PAK5: variants seen among roughly 807,000 people sequenced by gnomAD.
PAK5 encodes the protein serine/threonine-protein kinase PAK 5.
A neutral mutation model predicts 65.9 loss-of-function variants in PAK5; 16 were observed. That is an observed-to-expected ratio of 0.24 (90% CI 0.16 to 0.37). PAK5 has a LOEUF of 0.37. PAK5 is among the 10% of genes least tolerant of loss of function. The pLI is 1.00. For synonymous variants in PAK5, 371 were observed against 354.9 expected (o/e 1.05, Z -0.51); for missense variants, 785 against 903.9 (o/e 0.87, Z 1.69).
At chr20:9,546,011 T>G (rs1407551906) in intron 7 of PAK5, among the ~76,000 whole-genome samples, 11 of 152,118 alleles carry the variant, frequency 7.2e-5, no homozygotes. Context: ...GTTGCATAAA[T>G]TGATGAACCT....
chr20:9,734,207 A>T (rs2048364450), intron 1 of PAK5, among the ~76,000 whole-genome samples: 1 of 152,218 alleles, frequency 6.6e-6, no homozygotes, highest in African/African-American at 2.4e-5. Context: ...CTGTATTAGG[A>T]AAGTTGAAAA....
intron 9 of PAK5, among the ~76,000 whole-genome samples, chr20:9,541,092 T>G (rs2045255150): frequency 6.6e-6 from 1 of 152,200 alleles, no homozygotes; most frequent in South Asian, 2.1e-4. Context: ...TCTCTTTTTT[T>G]GTTTATGTTT....
At chr20:9,824,275 C>T (rs1004011111) in intron 1 of PAK5, among the ~76,000 whole-genome samples, 2 of 152,090 alleles carry the variant, frequency 1.3e-5, no homozygotes, top group Non-Finnish European at 2.9e-5. Flanking sequence ...AAAGGAAGGC[C>T]GTGTGTGGTG....
chr20:9,607,851 A>C (rs898208358), intron 3 of PAK5, among the ~76,000 whole-genome samples: 14 of 152,162 alleles, frequency 9.2e-5, no homozygotes, highest in African/African-American at 3.4e-4. Context: ...AGAAAAAAGA[A>C]AAGGAGAAAA....
chr20:9,655,615 T>C (rs992660352), intron 2 of PAK5, among the ~76,000 whole-genome samples: 3 of 152,188 alleles, frequency 2.0e-5, no homozygotes, highest in Non-Finnish European at 4.4e-5. Context: ...AAAAACATCA[T>C]TCCTGTGAGA....
At chr20:9,809,976 G>A (rs960174108) in intron 1 of PAK5, among the ~76,000 whole-genome samples, 2 of 152,024 alleles carry the variant, frequency 1.3e-5, no homozygotes, top group African/African-American at 2.4e-5. Context: ...TCCTAACGCC[G>A]AAGCTCTCCC....
At chr20:9,635,140 CTTT>C (rs1170845087) in intron 3 of PAK5, among the ~76,000 whole-genome samples, 1 of 152,096 alleles carries the variant, frequency 6.6e-6, no homozygotes, top group Non-Finnish European at 1.5e-5. Flanking sequence ...ACTCTTTCTT[CTTT>C]AAGAAGGTTT....
At chr20:9,644,576 G>T (rs999143466) in intron 2 of PAK5, among the ~76,000 whole-genome samples, 1 of 152,128 alleles carries the variant, frequency 6.6e-6, no homozygotes, top group Non-Finnish European at 1.5e-5. Context: ...CATTGACTTT[G>T]ATTTGGCCAT....
intron 7 of PAK5, among the ~76,000 whole-genome samples, chr20:9,545,471 A>G (rs1210152620): frequency 6.6e-6 from 1 of 152,216 alleles, no homozygotes; most frequent in East Asian, 1.9e-4. Context: ...ATGGTTCAGA[A>G]TGACCACTTG....
chr20:9,603,634 C>G (rs2046399722), intron 3 of PAK5, among the ~76,000 whole-genome samples: 1 of 152,222 alleles, frequency 6.6e-6, no homozygotes, highest in African/African-American at 2.4e-5. Flanking sequence ...CATGATAGGG[C>G]TTTCCTGACT....
chr20:9,788,548 G>T lies in PAK5; in HGVS notation c.-162+50214C>A, dbSNP rs900666276. ...GGAAGGTAAAATCTCTTCTATAAAAGGTATTGTTTGGCAGATGAAGAGCAG... is the reference window on the plus strand; with the variant it reads ...GGAAGGTAAAATCTCTTCTATAAAATGTATTGTTTGGCAGATGAAGAGCAG... On this transcript the variant is annotated intron_variant, in intron 1 of 9. Transcript: ENST00000353224. Among the ~76,000 whole-genome samples, 15 of 151,976 alleles carry T rather than the reference G, an allele frequency of 9.9e-5. 1 individual carries two copies. Among genetic ancestry groups the T allele is most frequent in the Admixed American group, 9.2e-4 (14 of 15,228 alleles).
At chr20:9,580,104 G>C (rs1190396671) in intron 4 of PAK5, 41 bp downstream of exon 4, 3 of 1,537,588 alleles carry the variant, frequency 2.0e-6, no homozygotes, top group Non-Finnish European at 2.6e-6. Flanking sequence ...CCCCTGTGGA[G>C]GTTTTTGCAC....
chr20:9,755,579 G>A (rs1229325138), intron 1 of PAK5, among the ~76,000 whole-genome samples: 1 of 152,162 alleles, frequency 6.6e-6, no homozygotes, highest in African/African-American at 2.4e-5. Context: ...AGCCTGTGGG[G>A]AAGAGGTGTG....
rs114344833 is a variant in PAK5, at chr20:9,554,916, C to T, written c.1743+2692G>A. On this transcript the variant is annotated intron_variant, in intron 7 of 9. Coordinates refer to ENST00000353224, the MANE Select transcript of PAK5 (RefSeq NM_177990.4). The stretch of plus-strand genomic sequence containing the variant: ...CAGGGTCCAGTCCCCCATGTCTCTG[C>T]TGTAACGCCACCACATCAGAGGGAT... Among the ~76,000 whole-genome samples, 1,243 of 152,278 alleles carry T rather than the reference C, an allele frequency of 8.2e-3. 13 individuals are homozygous for T. Among genetic ancestry groups the T allele is most frequent in the African/African-American group, 0.027 (1,133 of 41,546 alleles).
rs922873837 is a variant in PAK5 at position 9,719,756 on chromosome 20, C to G, written c.-161-8321G>C. On this transcript the variant is annotated intron_variant, in intron 1 of 9. Coordinates refer to ENST00000353224, the MANE Select transcript of PAK5 (RefSeq NM_177990.4). ...ACATTGTTCTGCCTCTGGGCTTCCTCATCCTAAAACCAAGGTAATAACAGG... is the reference window on the plus strand; with the variant it reads ...ACATTGTTCTGCCTCTGGGCTTCCTGATCCTAAAACCAAGGTAATAACAGG... 2.6e-5 allele frequency among the ~76,000 whole-genome samples: 4 copies of G among 152,252 alleles called. No individual in the cohort carries two copies. In the Middle Eastern group the frequency reaches 0.014, roughly 518 times the overall value.
intron 1 of PAK5, among the ~76,000 whole-genome samples, chr20:9,811,620 G>T (rs1394943931): frequency 6.6e-6 from 1 of 152,058 alleles, no homozygotes; most frequent in Non-Finnish European, 1.5e-5. Flanking sequence ...AACCTAGCTG[G>T]TCTATACATC....
chr20:9,637,545 T>G lies in PAK5; in HGVS notation c.204+6580A>C, dbSNP rs193088795. Reference sequence around the variant, plus strand: ...GCCCAAGAAGACATGAACACAGATGTCCATGACAATATTATTAATATTTAT... The same window carrying G: ...GCCCAAGAAGACATGAACACAGATGGCCATGACAATATTATTAATATTTAT... On this transcript the variant is annotated intron_variant, in intron 3 of 9. Transcript: ENST00000353224. 4.6e-5 allele frequency among the ~76,000 whole-genome samples: 7 copies of G among 152,116 alleles called. No individual in the cohort carries two copies. In the East Asian group the frequency reaches 7.8e-4, roughly 17 times the overall value.
chr20:9,808,834 A>G (rs1292029723), intron 1 of PAK5, among the ~76,000 whole-genome samples: 1 of 152,122 alleles, frequency 6.6e-6, no homozygotes, highest in East Asian at 1.9e-4. Flanking sequence ...AACTCTGTGA[A>G]TATCATTGAA....
chr20:9,771,722 A>G (rs1256811631), intron 1 of PAK5, among the ~76,000 whole-genome samples: 12 of 151,944 alleles, frequency 7.9e-5, no homozygotes, highest in Admixed American at 7.2e-4. Flanking sequence ...CACTTGGCCT[A>G]ATGAATTCAA....
Sources: gnomAD v4.1 joint callset for allele counts (sites outside exome capture counted in the v4.1 genomes callset) on GRCh38, gnomAD v4.1.1 for gene constraint, MANE v1.5 for transcripts, NCBI Gene and HGNC (gene_info 2026-07-23, HGNC 2026-07-21) for gene names.